Variants in ZNF280C observed in about 807,000 individuals in gnomAD.
ZNF280C encodes zinc finger protein 280C.
Under a neutral mutation model 53.6 loss-of-function variants are expected in ZNF280C, and 14 were observed. The observed-to-expected ratio is 0.26, with a 90% confidence interval of 0.17 to 0.41. The LOEUF (loss-of-function observed/expected upper bound fraction) is 0.41, where lower values mean the gene tolerates loss of function less well. Ranked by LOEUF, ZNF280C falls within the 10% of genes least tolerant of loss-of-function variation. ZNF280C has a pLI of 1.00. For missense variants in ZNF280C, 416 were observed against 547.1 expected, an observed-to-expected ratio of 0.76 and a Z score of 2.39; for synonymous variants, 203 against 181.1, an observed-to-expected ratio of 1.12 and a Z score of -0.97.
intron 1 of ZNF280C, among the ~76,000 whole-genome samples, chrX:130,265,957 T>C (rs1313462350): frequency 8.9e-6 from 1 of 111,885 alleles, no homozygotes; most frequent in Non-Finnish European, 1.9e-5. Context: ...CTCAAACTCT[T>C]TTATCCCAGG....
At chrX:130,222,647 C>T (rs1333736342) in intron 12 of ZNF280C, among the ~76,000 whole-genome samples, 1 of 112,083 alleles carries the variant, frequency 8.9e-6, no homozygotes, top group Non-Finnish European at 1.9e-5. Flanking sequence ...TTGCATTGTG[C>T]TAATGATCAC....
chrX:130,217,692 A>G (rs1360059492), intron 13 of ZNF280C, among the ~76,000 whole-genome samples: 1 of 112,500 alleles, frequency 8.9e-6, no homozygotes, highest in Non-Finnish European at 1.9e-5. Context: ...ACAATCAGAT[A>G]AGCCTTCTAC....
At position 130,237,194 on chromosome X, in the gene ZNF280C, G is replaced by T. The variant is rs2032343938; in HGVS notation, c.494-555C>A. Among the ~76,000 whole-genome samples, 3 of 111,697 alleles carry T rather than the reference G, an allele frequency of 2.7e-5. No homozygotes were observed. In the South Asian group the frequency reaches 1.1e-3, roughly 41 times the overall value. ...TTTCCACCGAACAAACTAACAGGTG[G>T]TTTAAATTATCTTGTTTACTCCCTA... On this transcript the variant is annotated intron_variant, in intron 6 of 18. Coordinates refer to ENST00000370978, the MANE Select transcript of ZNF280C (RefSeq NM_017666.5).
chrX:130,251,830 G>A (rs1829220997), intron 2 of ZNF280C, among the ~76,000 whole-genome samples: 1 of 109,530 alleles, frequency 9.1e-6, no homozygotes, highest in African/African-American at 3.3e-5. Context: ...GGTGACAGAA[G>A]GAGCCAGGCG....
chrX:130,211,810 G>A (rs930153502), intron 15 of ZNF280C, among the ~76,000 whole-genome samples: 1 of 111,992 alleles, frequency 8.9e-6, no homozygotes, highest in African/African-American at 3.2e-5. Context: ...AAGACAGTTG[G>A]TGAGCCTATG....
chrX:130,260,301 A>T (rs2032617888), intron 2 of ZNF280C, 118 bp downstream of exon 2: 1 of 475,084 alleles, frequency 2.1e-6, no homozygotes, highest in Admixed American at 4.9e-5. Flanking sequence ...AAAATAAATA[A>T]ATAAATAATA....
At chrX:130,217,543 C>T (rs2032117660) in intron 13 of ZNF280C, among the ~76,000 whole-genome samples, 1 of 111,890 alleles carries the variant, frequency 8.9e-6, no homozygotes, top group Non-Finnish European at 1.9e-5. Context: ...TCTGAATATA[C>T]TAAAAACCAC....
chrX:130,211,478 A>G (rs2032040073), intron 15 of ZNF280C, among the ~76,000 whole-genome samples: 1 of 112,231 alleles, frequency 8.9e-6, no homozygotes, highest in Non-Finnish European at 1.9e-5. Flanking sequence ...CTCTGAGAAA[A>G]TGAAGCCTCT....
intron 2 of ZNF280C, among the ~76,000 whole-genome samples, chrX:130,248,991 G>A (rs993729401): frequency 2.0e-4 from 22 of 111,520 alleles, no homozygotes; most frequent in Admixed American, 1.8e-3. Context: ...CATTGTAGTC[G>A]GAGCCTTGGT....
At chrX:130,205,238 G>A (rs1216406066) in intron 17 of ZNF280C, 59 bp downstream of exon 17, 3 of 1,102,686 alleles carry the variant, frequency 2.7e-6, no homozygotes, top group South Asian at 2.0e-5. Context: ...TATGGTGTCC[G>A]ATCAAAAGTA....
At chrX:130,261,157 A>G (rs1024799167) in intron 1 of ZNF280C, among the ~76,000 whole-genome samples, 3 of 111,927 alleles carry the variant, frequency 2.7e-5, no homozygotes, top group African/African-American at 9.7e-5. Context: ...ACAAAGATGA[A>G]TAAGCCATAG....
intron 13 of ZNF280C, among the ~76,000 whole-genome samples, chrX:130,218,810 T>C (rs1397870325): frequency 9.0e-6 from 1 of 111,680 alleles, no homozygotes; most frequent in Admixed American, 9.5e-5. Context: ...ATAGGTTAAA[T>C]AATAAAATGT....
At position 130,203,150 on chromosome X, in the gene ZNF280C, G is replaced by A. The variant is rs2031931932; in HGVS notation, c.*1827C>T. 1 of 111,406 alleles carries A rather than the reference G, an allele frequency of 9.0e-6. No individual in the cohort carries two copies. The highest frequency in any genetic ancestry group is 9.6e-5 in the Admixed American group (1 of 10,408). The allele number at this position is 111,406 out of a possible 1,213,427, so 9.2% of individuals were successfully genotyped here. On this transcript the variant is annotated 3_prime_UTR_variant, in exon 19 of 19. Transcript: ENST00000370978. Reference sequence around the variant, plus strand: ...AGAAGCTACCAATAAGTAGCTACACGAAATCTGTAGACAATTCTAAGAAAT... The same window carrying A: ...AGAAGCTACCAATAAGTAGCTACACAAAATCTGTAGACAATTCTAAGAAAT...
chrX:130,230,775 T>A (rs1259395701), intron 8 of ZNF280C, 48 bp from the exon 9 acceptor site: 3 of 837,067 alleles, frequency 3.6e-6, no homozygotes, highest in Admixed American at 5.7e-5. Context: ...CTTTTAAAGA[T>A]TAGATACCAA....
intron 16 of ZNF280C, among the ~76,000 whole-genome samples, chrX:130,207,743 C>T (rs760295471): frequency 4.7e-4 from 53 of 111,874 alleles, no homozygotes; most frequent in Admixed American, 3.4e-3. Context: ...ATTGTCATTC[C>T]GGAGAATGTG....
In ZNF280C at chrX:130,251,282, C is replaced by CAAAAAAAA. The variant is rs61571389; in HGVS notation, c.32-4285_32-4278dup. ...AGGCAAACGCAGTAAGGACCTGTCTCAAAAAAAAAAAAAAAAAAAAAAAAA... is the reference window on the plus strand; with the variant it reads ...AGGCAAACGCAGTAAGGACCTGTCTCAAAAAAAAAAAAAAAAAAAAAAAAAAAAAAAAA... On this transcript the variant is annotated intron_variant, in intron 2 of 18. Transcript: ENST00000370978. Among the ~76,000 whole-genome samples the CAAAAAAAA allele has an allele frequency of 4.6e-4, 7 of 15,339 alleles. 1 individual carries two copies. Among genetic ancestry groups the CAAAAAAAA allele is most frequent in the South Asian group, 5.2e-3 (1 of 191 alleles). The allele number at this position is 15,339 out of a possible 115,157, so 13.3% of individuals were successfully genotyped here.
chrX:130,226,106 T>C (rs894232869), intron 12 of ZNF280C, among the ~76,000 whole-genome samples: 2 of 112,468 alleles, frequency 1.8e-5, no homozygotes, highest in Non-Finnish European at 3.8e-5. Context: ...CCAGAAATTA[T>C]ATAGCAGAAC....
intron 16 of ZNF280C, among the ~76,000 whole-genome samples, chrX:130,207,733 A>T: frequency 1.8e-5 from 2 of 111,860 alleles, no homozygotes; most frequent in South Asian, 7.5e-4. Context: ...CTAGTTATTC[A>T]TTGTCATTCC....
In ZNF280C at chrX:130,230,661, C is replaced by T. The variant is rs2032267034; in HGVS notation, c.838G>A (p.Glu280Lys). 4.1e-6 allele frequency: 5 copies of T among 1,209,058 alleles called. No homozygotes were observed. Among genetic ancestry groups the T allele is most frequent in the Non-Finnish European group, 5.6e-6 (5 of 893,950 alleles). Residue 280 changes from glutamate (E) to lysine (K), a missense_variant, in exon 9 of 19, where the codon GAA becomes AAA. Physicochemically the swap from Glu to Lys is moderately conservative, Grantham distance 56. Around this residue, in one of 3 missense-constraint regions of ZNF280C, gnomAD observed 193 missense variants for 201.4 expected, o/e 0.96. Transcript: ENST00000370978. ...VIVKSERPCD[E>K]DKTDSETGKL... ...CCTGTCTCTGAATCAGTCTTGTCTT[C>T]ATCACATGGACGTTCTGATTTAACA... is the stretch of plus-strand genomic sequence containing the variant.
Sources: allele counts gnomAD v4.1 joint callset (sites outside exome capture counted in the v4.1 genomes callset), GRCh38; gene constraint gnomAD v4.1.1; regional missense constraint gnomAD v4.1.1; transcripts MANE v1.5; gene names NCBI Gene and HGNC (gene_info 2026-07-23, HGNC 2026-07-21).